CTXN2: variants seen among roughly 807,000 people sequenced by gnomAD.
CTXN2 encodes the protein cortexin-2.
Under a neutral mutation model 5.7 loss-of-function variants are expected in CTXN2, and 3 were observed. The observed-to-expected ratio is 0.53, with a 90% CI of 0.24 to 1.36. The LOEUF (loss-of-function observed/expected upper bound fraction) is 1.36, where lower values mean the gene tolerates loss of function less well. Ranked by LOEUF, CTXN2 falls within the 40% of genes most tolerant of loss-of-function variation. The pLI is 0.17. For missense variants in CTXN2, 87 were observed against 93.0 expected, an observed-to-expected ratio of 0.94 and a Z score of 0.26; for synonymous variants, 38 against 36.4, an observed-to-expected ratio of 1.04 and a Z score of -0.16.
intron 1 of CTXN2, among the ~76,000 whole-genome samples, chr15:48,178,863 G>C (rs937428149): frequency 6.6e-6 from 1 of 152,008 alleles, no homozygotes; most frequent in African/African-American, 2.4e-5. Flanking sequence ...TTTGTTCTTA[G>C]GGGGTGAGGA....
At chr15:48,196,233 A>G (rs1224337622) in intron 1 of CTXN2, among the ~76,000 whole-genome samples, 2 of 152,068 alleles carry the variant, frequency 1.3e-5, no homozygotes, top group African/African-American at 2.4e-5. Flanking sequence ...GATTTGGTGC[A>G]TCTCCTTCCC....
At chr15:48,179,232 T>G (rs1409114423) in intron 1 of CTXN2, among the ~76,000 whole-genome samples, 1 of 152,140 alleles carries the variant, frequency 6.6e-6, no homozygotes, top group Non-Finnish European at 1.5e-5. Flanking sequence ...CCCAAATTTT[T>G]TTTCCATGAA....
chr15:48,196,407 A>G lies in CTXN2; in HGVS notation c.-58+4554A>G, dbSNP rs77310605. ...AATAAGCTTCACTTCAATATCTTCA[A>G]CTTAGTCACTGTTCAAAAACACTGA... On this transcript the variant is annotated intron_variant, in intron 1 of 1. Transcript: ENST00000417307. Among the ~76,000 whole-genome samples the G allele has an allele frequency of 1.2e-3, 190 of 152,204 alleles. 5 individuals are homozygous for G. The East Asian group carries it at 0.034, about 28-fold the overall frequency.
chr15:48,199,589 C>T (rs1196903782), intron 1 of CTXN2, among the ~76,000 whole-genome samples: 1 of 152,146 alleles, frequency 6.6e-6, no homozygotes, highest in African/African-American at 2.4e-5. Flanking sequence ...GTATATGGAT[C>T]TTAACAAATG....
chr15:48,200,353 GA>G (rs1210319414), intron 1 of CTXN2, among the ~76,000 whole-genome samples: 2 of 152,102 alleles, frequency 1.3e-5, no homozygotes, highest in African/African-American at 2.4e-5. Flanking sequence ...CATCAAATGG[GA>G]AAAAAACCTA....
chr15:48,187,412 CAATGTTTG>C (rs11280346), upstream of CTXN2, among the ~76,000 whole-genome samples: 11,288 of 152,066 alleles, frequency 0.074, 1,185 homozygotes, highest in East Asian at 0.4. Context: ...ATATGCTACC[CAATGTTTG>C]AATCAATAGC....
At position 48,201,896 on chromosome 15, in the gene CTXN2, A is replaced by G. The variant is rs1386541262; in HGVS notation, c.*350A>G. 10 of 264,822 alleles carry G rather than the reference A, an allele frequency of 3.8e-5. No individual in the cohort carries two copies. The East Asian group carries it at 9.3e-4, about 25-fold the overall frequency. The allele number at this position is 264,822 out of a possible 1,614,324, so 16.4% of individuals were successfully genotyped here. A position where few individuals can be genotyped will look rare whatever the true frequency, so the allele number is the denominator to read the frequency against. On this transcript the variant is annotated 3_prime_UTR_variant, in exon 2 of 2. Transcript: ENST00000417307. ...TCTCTCCCCTCTGAAAAGCCCAGGC[A>G]TCCCCTCCACATTCCTGACTCAGAC...
intron 1 of CTXN2, among the ~76,000 whole-genome samples, chr15:48,186,363 T>C (rs990660752): frequency 2.0e-5 from 3 of 152,218 alleles, no homozygotes; most frequent in African/African-American, 7.2e-5. Context: ...GATCATTAAC[T>C]ACACTAAAGT....
Position 48,202,621 on chromosome 15 carries a change from A to C in CTXN2, c.*1075A>C, listed in dbSNP as rs1168968632. On this transcript the variant is annotated 3_prime_UTR_variant, in exon 2 of 2. Coordinates refer to ENST00000417307, the MANE Select transcript of CTXN2 (RefSeq NM_001145668.2). ...TGTCTTCAGCAATATTGAGAGGGCC[A>C]ATTAGATATAATGAATGTGAAAGCA... The C allele has an allele frequency of 2.4e-5, 4 of 167,074 alleles. No individual in the cohort carries two copies. Among genetic ancestry groups the C allele is most frequent in the African/African-American group, 4.8e-5 (2 of 41,470 alleles). 10.3% of individuals were successfully genotyped at this position (167,074 alleles called of 1,614,324 possible). A position where few individuals can be genotyped will look rare whatever the true frequency, so the allele number is the denominator to read the frequency against.
chr15:48,182,103 C>A (rs1293889636), intron 1 of CTXN2, among the ~76,000 whole-genome samples: 1 of 152,020 alleles, frequency 6.6e-6, no homozygotes, highest in Non-Finnish European at 1.5e-5. Context: ...CTTCTCTTTT[C>A]CTCCTTTCTC....
At chr15:48,187,295 A>G (rs752756222), upstream of CTXN2, among the ~76,000 whole-genome samples, 4 of 152,164 alleles carry the variant, frequency 2.6e-5, no homozygotes, top group Non-Finnish European at 5.9e-5. Context: ...TAATTACCAA[A>G]CATCATCTAA....
chr15:48,183,514 C>A (rs2040719425), intron 1 of CTXN2, among the ~76,000 whole-genome samples: 1 of 152,156 alleles, frequency 6.6e-6, no homozygotes, highest in South Asian at 2.1e-4. Context: ...GTTTTACTTA[C>A]AATTGTCAGA....
chr15:48,183,094 A>G (rs1036567652), intron 1 of CTXN2, among the ~76,000 whole-genome samples: 1 of 152,204 alleles, frequency 6.6e-6, no homozygotes, highest in African/African-American at 2.4e-5. Flanking sequence ...ACTATTAGCA[A>G]CAGAGTTTGA....
At chr15:48,195,243 T>C (rs1329272244) in intron 1 of CTXN2, among the ~76,000 whole-genome samples, 1 of 152,096 alleles carries the variant, frequency 6.6e-6, no homozygotes, top group Non-Finnish European at 1.5e-5. Context: ...TCTCTCTCCT[T>C]GGGCCCACTA....
rs1395003220 is a variant in CTXN2 at position 48,193,207 on chromosome 15, C to T, written c.-58+1354C>T. On this transcript the variant is annotated intron_variant, in intron 1 of 1. Coordinates refer to ENST00000417307, the MANE Select transcript of CTXN2 (RefSeq NM_001145668.2). ...AGAAATCTTGGTGCCTGACAATTGC[C>T]ATGAAGGAAATGTACTTTCAACCAA... is the stretch of plus-strand genomic sequence containing the variant. Among the ~76,000 whole-genome samples, 8 of 152,188 alleles carry T rather than the reference C, an allele frequency of 5.3e-5. No homozygotes were observed. The East Asian group carries it at 1.2e-3, about 22-fold the overall frequency.
chr15:48,181,365 T>C (rs556053769), intron 1 of CTXN2, among the ~76,000 whole-genome samples: 7 of 152,190 alleles, frequency 4.6e-5, no homozygotes, highest in Non-Finnish European at 8.8e-5. Flanking sequence ...CTTGTCGGCA[T>C]TGTAGGTCAG....
chr15:48,193,374 A>G (rs2040843468), intron 1 of CTXN2, among the ~76,000 whole-genome samples: 1 of 131,318 alleles, frequency 7.6e-6, no homozygotes, highest in Admixed American at 8.7e-5. Context: ...TAAACTGTGC[A>G]TTGTTTATTT....
At chr15:48,192,851 A>T (rs1827702235) in intron 1 of CTXN2, among the ~76,000 whole-genome samples, 7 of 152,168 alleles carry the variant, frequency 4.6e-5, no homozygotes, top group Admixed American at 4.6e-4. Flanking sequence ...ATGGGTACAC[A>T]CTTTTTAACA....
Position 48,201,535 on chromosome 15 carries a change from G to T in CTXN2, c.235G>T (p.Ala79Ser). ...GTTTGATAAAGGGACATTTGAATAT[G>T]CACTCGCGTGAGAGTTCCAGCTATA... ...EEFDKGTFEY[A>S]LA Residue 79 changes from alanine (A) to serine (S), a missense_variant, in exon 2 of 2, where the codon GCA becomes TCA. By Grantham distance (99) the Ala-to-Ser change is moderately conservative (BLOSUM62 1). Transcript: ENST00000417307. 1 of 1,551,080 alleles carries T rather than the reference G, an allele frequency of 6.4e-7. No individual in the cohort carries two copies. Among genetic ancestry groups the T allele is most frequent in the Non-Finnish European group, 8.7e-7 (1 of 1,146,500 alleles).
Sources: allele counts gnomAD v4.1 joint callset (sites outside exome capture counted in the v4.1 genomes callset), GRCh38; gene constraint gnomAD v4.1.1; transcripts MANE v1.5; gene names NCBI Gene and HGNC (gene_info 2026-07-23, HGNC 2026-07-21).